The following SLC25A13 variants were observed in gnomAD, a reference collection of about 807,000 sequenced individuals.
The protein encoded by SLC25A13 is solute carrier family 25 member 13.
In SLC25A13, 70 loss-of-function variants were observed where a neutral mutation model predicts 85.5. The observed-to-expected ratio is 0.82, with a 90% CI of 0.68 to 1.00. The LOEUF (loss-of-function observed/expected upper bound fraction) is 1.00, where lower values mean the gene tolerates loss of function less well. SLC25A13 is among the 50% of genes least tolerant of loss of function. The probability of loss-of-function intolerance (pLI) is 0.00; values close to 1 mark genes in which losing one functional copy is unlikely to be tolerated. For missense variants in SLC25A13, 765 were observed against 819.8 expected (o/e 0.93, Z 0.82); for synonymous variants, 259 against 288.7 (o/e 0.90, Z 1.04).
At chr7:96,184,245 C>T in intron 11 of SLC25A13, 32 bp downstream of exon 11, 2 of 1,613,144 alleles carry the variant, frequency 1.2e-6, no homozygotes, top group Non-Finnish European at 1.7e-6. Flanking sequence ...AGTGTTATTT[C>T]ACCTAACAGG....
intron 1 of SLC25A13, among the ~76,000 whole-genome samples, chr7:96,300,928 T>G (rs967315691): frequency 2.6e-5 from 4 of 152,206 alleles, no homozygotes; most frequent in Non-Finnish European, 4.4e-5. Flanking sequence ...TACTGCTACC[T>G]CCCATTCCTA....
chr7:96,172,157 A>G (rs1014458574), intron 11 of SLC25A13, among the ~76,000 whole-genome samples: 5 of 152,208 alleles, frequency 3.3e-5, no homozygotes, highest in Non-Finnish European at 7.3e-5. Context: ...CTCTTCCTAA[A>G]GGAGCAGCCT....
At chr7:96,262,928 A>G (rs1194857901) in intron 3 of SLC25A13, among the ~76,000 whole-genome samples, 1 of 152,016 alleles carries the variant, frequency 6.6e-6, no homozygotes, top group African/African-American at 2.4e-5. Context: ...TATGAAGATT[A>G]AATAAGAAAA....
chr7:96,196,425 A>G (rs1795065486), intron 5 of SLC25A13, among the ~76,000 whole-genome samples: 1 of 152,222 alleles, frequency 6.6e-6, no homozygotes, highest in Admixed American at 6.5e-5. Context: ...CCATCTCCTC[A>G]GAAAGCAGGA....
chr7:96,125,103 T>G (rs1791671665), intron 15 of SLC25A13, among the ~76,000 whole-genome samples: 1 of 152,210 alleles, frequency 6.6e-6, no homozygotes, highest in South Asian at 2.1e-4. Context: ...TTCACTTTTT[T>G]TTTTTGAGAC....
At chr7:96,174,692 T>C (rs139094723) in intron 11 of SLC25A13, among the ~76,000 whole-genome samples, 5 of 152,322 alleles carry the variant, frequency 3.3e-5, no homozygotes, top group Admixed American at 1.3e-4. Context: ...ATAACTATCC[T>C]GTGACAGTCT....
intron 2 of SLC25A13, among the ~76,000 whole-genome samples, chr7:96,281,850 C>T (rs200480002): frequency 2.0e-5 from 3 of 152,134 alleles, no homozygotes; most frequent in East Asian, 1.9e-4. Context: ...CTCATCACCA[C>T]GGCTGGGCAG....
At chr7:96,188,991 C>G (rs1794739148) in intron 9 of SLC25A13, among the ~76,000 whole-genome samples, 1 of 152,226 alleles carries the variant, frequency 6.6e-6, no homozygotes, top group Non-Finnish European at 1.5e-5. Context: ...CGCTACATCT[C>G]TCAACATGAG....
chr7:96,223,789 GAAAAAAAAA>G (rs56882933), intron 4 of SLC25A13, among the ~76,000 whole-genome samples: 1 of 94,224 alleles, frequency 1.1e-5, no homozygotes, highest in African/African-American at 3.9e-5. Flanking sequence ...CTCCATCTCT[GAAAAAAAAA>G]AAAAAAAAAA....
intron 13 of SLC25A13, among the ~76,000 whole-genome samples, chr7:96,161,663 C>G (rs1327290911): frequency 2.0e-5 from 3 of 152,112 alleles, no homozygotes; most frequent in African/African-American, 7.2e-5. Flanking sequence ...AAGATCTCCT[C>G]AAGTGGCAAA....
At chr7:96,278,398 T>A (rs1254866957) in intron 2 of SLC25A13, among the ~76,000 whole-genome samples, 2 of 152,308 alleles carry the variant, frequency 1.3e-5, no homozygotes, top group African/African-American at 4.8e-5. Flanking sequence ...ATTAAAACTG[T>A]TTTTAAAAGT....
At chr7:96,247,719 T>C (rs1243295789) in intron 3 of SLC25A13, among the ~76,000 whole-genome samples, 1 of 152,168 alleles carries the variant, frequency 6.6e-6, no homozygotes, top group Non-Finnish European at 1.5e-5. Flanking sequence ...TTTATTGACA[T>C]ATAATTGACA....
chr7:96,253,831 T>C (rs958984836), intron 3 of SLC25A13, among the ~76,000 whole-genome samples: 1 of 152,166 alleles, frequency 6.6e-6, no homozygotes, highest in Non-Finnish European at 1.5e-5. Context: ...AGCCAAATAA[T>C]GTAAACCTTA....
intron 14 of SLC25A13, among the ~76,000 whole-genome samples, chr7:96,132,613 G>A (rs990666437): frequency 6.6e-6 from 1 of 152,166 alleles, no homozygotes; most frequent in Non-Finnish European, 1.5e-5. Context: ...GAATTGATGA[G>A]TGCCCAGAAA....
chr7:96,309,141 C>T (rs528668140), intron 1 of SLC25A13, among the ~76,000 whole-genome samples: 7 of 152,202 alleles, frequency 4.6e-5, no homozygotes, highest in African/African-American at 1.2e-4. Context: ...AAAGAAGAGA[C>T]AGGATATCAC....
chr7:96,317,204 T>C (rs1584616441), intron 1 of SLC25A13, among the ~76,000 whole-genome samples: 1 of 152,016 alleles, frequency 6.6e-6, no homozygotes, highest in South Asian at 2.1e-4. Context: ...TGACCTGAGG[T>C]GATTCACCTG....
In SLC25A13 at chr7:96,168,098, GAAAAAAAA is replaced by G. The variant is rs543491037; in HGVS notation, c.1311+1939_1311+1946del. 3.1e-3 allele frequency among the ~76,000 whole-genome samples: 61 copies of G among 19,712 alleles called. No homozygotes were observed. The East Asian group carries it at 0.045, about 14-fold the overall frequency. The allele number at this position is 19,712 out of a possible 152,430, so 12.9% of individuals were successfully genotyped here. Reference sequence around the variant, plus strand: ...CTGGTGACAGAGCGAAACTCTGTCTGAAAAAAAAAAAAAAAAAAAAAAAAAAAAAAAGC... The same window carrying G: ...CTGGTGACAGAGCGAAACTCTGTCTGAAAAAAAAAAAAAAAAAAAAAAAGC... On this transcript the variant is annotated intron_variant, in intron 13 of 17. Coordinates refer to ENST00000265631, the MANE Select transcript of SLC25A13 (RefSeq NM_014251.3).
intron 2 of SLC25A13, among the ~76,000 whole-genome samples, chr7:96,284,241 T>C (rs1029982817): frequency 1.3e-5 from 2 of 152,060 alleles, no homozygotes; most frequent in African/African-American, 4.8e-5. Flanking sequence ...GAGAGACACA[T>C]AGACTGAGAG....
intron 4 of SLC25A13, among the ~76,000 whole-genome samples, chr7:96,220,040 A>C (rs1796049390): frequency 6.6e-6 from 1 of 152,242 alleles, no homozygotes; most frequent in Admixed American, 6.5e-5. Flanking sequence ...AATGGTGTTT[A>C]GAGGCATATA....
Sources: gnomAD v4.1 joint callset for allele counts (sites outside exome capture counted in the v4.1 genomes callset) on GRCh38, gnomAD v4.1.1 for gene constraint, MANE v1.5 for transcripts, NCBI Gene and HGNC (gene_info 2026-07-23, HGNC 2026-07-21) for gene names.